The following TSGA10 variants were observed in gnomAD, a reference collection of about 807,000 sequenced individuals.
TSGA10 encodes testis-specific gene 10 protein.
In TSGA10, 43 loss-of-function variants were observed where a neutral mutation model predicts 96.6. That is an observed-to-expected ratio of 0.44 (90% CI 0.35 to 0.57). TSGA10 has a LOEUF of 0.57. Among genes scored for constraint, TSGA10 ranks in the 20% least tolerant of loss-of-function variants. The pLI, the probability that TSGA10 is intolerant of heterozygous loss-of-function variation, is 0.01. For synonymous variants in TSGA10, 229 were observed against 269.9 expected (o/e 0.85, Z 1.48); for missense variants, 703 against 834.4 (o/e 0.84, Z 1.94).
chr2:99,109,588 T>C, intron 5 of TSGA10, 76 bp from the exon 6 acceptor site: 2 of 1,257,958 alleles, frequency 1.6e-6, no homozygotes, highest in Non-Finnish European at 2.1e-6. Flanking sequence ...AGACCATTAT[T>C]TCAAGCTAAA....
At position 99,002,360 on chromosome 2, in the gene TSGA10, C is replaced by G. The variant is rs547466595; in HGVS notation, c.2073-4139G>C. On this transcript the variant is annotated intron_variant, in intron 20 of 20. Transcript: ENST00000393483. ...ATTCTTAAAGAAAAGAATTTTCAAC[C>G]CAGAATTTCATATCCAGCCAAACTA... Among the ~76,000 whole-genome samples the G allele has an allele frequency of 8.4e-4, 128 of 152,260 alleles. 1 individual carries two copies. Among genetic ancestry groups the G allele is most frequent in the South Asian group, 4.4e-3 (21 of 4,822 alleles).
At chr2:99,055,336 G>T (rs2083852553) in intron 16 of TSGA10, among the ~76,000 whole-genome samples, 1 of 152,108 alleles carries the variant, frequency 6.6e-6, no homozygotes, top group African/African-American at 2.4e-5. Context: ...TAGAATGGTG[G>T]TTACCTGGAG....
intron 16 of TSGA10, among the ~76,000 whole-genome samples, chr2:99,063,263 A>C (rs1363295773): frequency 2.0e-5 from 3 of 152,240 alleles, no homozygotes; most frequent in Non-Finnish European, 4.4e-5. Context: ...TCAAACATTT[A>C]GAAGAACTTT....
At chr2:99,038,543 A>G (rs1237354803) in intron 16 of TSGA10, among the ~76,000 whole-genome samples, 1 of 152,194 alleles carries the variant, frequency 6.6e-6, no homozygotes, top group African/African-American at 2.4e-5. Flanking sequence ...AAGCAACAAC[A>G]GTTAAAAAAG....
intron 16 of TSGA10, among the ~76,000 whole-genome samples, chr2:99,060,275 T>A (rs1050534043): frequency 8.6e-5 from 13 of 151,958 alleles, no homozygotes; most frequent in African/African-American, 2.9e-4. Context: ...ACCTGGAACA[T>A]AAAATTCAAG....
At chr2:99,146,897 G>C (rs1277898978) in intron 1 of TSGA10, 1 of 152,314 alleles carries the variant, frequency 6.6e-6, no homozygotes, top group East Asian at 1.9e-4. Context: ...AAAGGGCTAG[G>C]ATTACAGGCG....
intron 10 of TSGA10, among the ~76,000 whole-genome samples, chr2:99,082,282 C>A (rs957998877): frequency 6.6e-6 from 1 of 152,144 alleles, no homozygotes; most frequent in African/African-American, 2.4e-5. Context: ...TTTTTGTAAC[C>A]ATTTGCCTTT....
At chr2:99,014,856 G>A (rs1193831996) in intron 20 of TSGA10, among the ~76,000 whole-genome samples, 1 of 152,120 alleles carries the variant, frequency 6.6e-6, no homozygotes, top group Non-Finnish European at 1.5e-5. Context: ...AGGCTACTAT[G>A]AACACCTTTA....
chr2:99,136,015 A>AAAAAAAAC (rs1478502595), intron 1 of TSGA10, among the ~76,000 whole-genome samples: 2 of 151,972 alleles, frequency 1.3e-5, no homozygotes, highest in Non-Finnish European at 2.9e-5. Context: ...GTACCAAAAA[A>AAAAAAAAC]AAAAAAGGGT....
intron 20 of TSGA10, among the ~76,000 whole-genome samples, chr2:99,017,764 CAA>C (rs1252515584): frequency 9.0e-4 from 60 of 66,438 alleles, no homozygotes; most frequent in Admixed American, 6.9e-3. Context: ...GACTCCGTCT[CAA>C]AAAAAAAAAA....
At chr2:99,072,566 C>T (rs1558921836) in intron 13 of TSGA10, among the ~76,000 whole-genome samples, 1 of 152,190 alleles carries the variant, frequency 6.6e-6, no homozygotes, top group Admixed American at 6.5e-5. Context: ...TCCTAAACCC[C>T]AATTTATCAC....
chr2:99,144,649 CAAAAA>C (rs70940140), intron 1 of TSGA10, among the ~76,000 whole-genome samples: 7 of 52,268 alleles, frequency 1.3e-4, no homozygotes, highest in East Asian at 1.7e-3. Flanking sequence ...AACTCTGTCT[CAAAAA>C]AAAAAAAAAA....
chr2:99,003,302 A>G (rs1365025157), intron 20 of TSGA10, among the ~76,000 whole-genome samples: 2 of 152,232 alleles, frequency 1.3e-5, no homozygotes, highest in Non-Finnish European at 2.9e-5. Context: ...TCATAAAGCA[A>G]GTCCTTAGAG....
intron 10 of TSGA10, among the ~76,000 whole-genome samples, chr2:99,087,166 T>C (rs2088600487): frequency 6.6e-6 from 1 of 151,446 alleles, no homozygotes; most frequent in African/African-American, 2.4e-5. Context: ...ATCATGCCAC[T>C]GCACTCCAGC....
intron 16 of TSGA10, among the ~76,000 whole-genome samples, chr2:99,040,920 T>C (rs2082126328): frequency 6.6e-6 from 1 of 152,242 alleles, no homozygotes; most frequent in Admixed American, 6.5e-5. Context: ...CTATCAACTA[T>C]TAGTTCTTAC....
intron 13 of TSGA10, 120 bp from the exon 14 acceptor site, chr2:99,071,994 T>A: frequency 1.2e-6 from 1 of 840,498 alleles, no homozygotes; most frequent in Non-Finnish European, 1.8e-6. Flanking sequence ...TTTAAACACG[T>A]TTGAATTTAT....
intron 10 of TSGA10, among the ~76,000 whole-genome samples, chr2:99,090,829 TA>T (rs2089236205): frequency 6.6e-6 from 1 of 152,162 alleles, no homozygotes; most frequent in South Asian, 2.1e-4. Context: ...AAGAGAAATC[TA>T]AAAGCATGGG....
chr2:99,132,246 C>T (rs2093125972), intron 1 of TSGA10, among the ~76,000 whole-genome samples: 1 of 152,084 alleles, frequency 6.6e-6, no homozygotes, highest in Admixed American at 6.5e-5. Flanking sequence ...ATGAATCCAT[C>T]TAATCCTGGG....
rs181468820 is a variant in TSGA10, at chr2:99,016,598, A to T, written c.2072+1602T>A. Among the ~76,000 whole-genome samples the T allele has an allele frequency of 2.0e-5, 3 of 152,330 alleles. No individual in the cohort carries two copies. The East Asian group carries it at 5.8e-4, about 29-fold the overall frequency. On this transcript the variant is annotated intron_variant, in intron 20 of 20. Transcript: ENST00000393483. Reference sequence around the variant, plus strand: ...CTTTGGCTTAGGCAAAGATTTCATGACCAAGAACCCAAAAGCAAATGAAAC... The same window carrying T: ...CTTTGGCTTAGGCAAAGATTTCATGTCCAAGAACCCAAAAGCAAATGAAAC...
Sources: allele counts gnomAD v4.1 joint callset (sites outside exome capture counted in the v4.1 genomes callset), GRCh38; gene constraint gnomAD v4.1.1; transcripts MANE v1.5; gene names NCBI Gene and HGNC (gene_info 2026-07-23, HGNC 2026-07-21).